The following BRIP1 variants were observed in gnomAD, a reference collection of about 807,000 sequenced individuals.
The protein encoded by BRIP1 is BRCA1 interacting DNA helicase 1.
Under a neutral mutation model 119.7 loss-of-function variants are expected in BRIP1, and 88 were observed. That is an observed-to-expected ratio of 0.74 (90% CI 0.62 to 0.88). The LOEUF (loss-of-function observed/expected upper bound fraction) is 0.88. Among genes scored for constraint, BRIP1 ranks in the 40% least tolerant of loss-of-function variants. The pLI is 0.00. For missense variants in BRIP1, 1,259 were observed against 1,455.4 expected (o/e 0.87, Z 2.20); for synonymous variants, 443 against 496.5 (o/e 0.89, Z 1.43).
At chr17:61,782,933 G>T (rs1017236807) in intron 11 of BRIP1, among the ~76,000 whole-genome samples, 5 of 152,176 alleles carry the variant, frequency 3.3e-5, no homozygotes, top group African/African-American at 1.2e-4. Context: ...GAACCCTTGT[G>T]CATTGATAAT....
At position 61,744,742 on chromosome 17, in the gene BRIP1, A is replaced by T; in HGVS notation, c.2098-151T>A. Reference sequence around the variant, plus strand: ...ATGAGGAAAACAATATATCTCATAGAGCTGTTATGGGGTTAAATTTATTAA... The same window carrying T: ...ATGAGGAAAACAATATATCTCATAGTGCTGTTATGGGGTTAAATTTATTAA... On this transcript the variant is annotated intron_variant, in intron 14 of 19. Coordinates refer to ENST00000259008, the MANE Select transcript of BRIP1 (RefSeq NM_032043.3). This position sits in a 1 kb window ranked among gnomAD's most constrained non-coding sequence, Gnocchi z 5.0. The T allele has an allele frequency of 1.4e-6, 1 of 738,048 alleles. No individual in the cohort carries two copies. Among genetic ancestry groups the T allele is most frequent in the Non-Finnish European group, 2.3e-6 (1 of 440,778 alleles). The allele number at this position is 738,048 out of a possible 1,614,324, so 45.7% of individuals were successfully genotyped here. A position where few individuals can be genotyped will look rare whatever the true frequency, so the allele number is the denominator to read the frequency against.
rs1240662075 is a variant in BRIP1 at position 61,738,429 on chromosome 17, G to A, written c.2379+4584C>T. On this transcript the variant is annotated intron_variant, in intron 16 of 19. Transcript: ENST00000259008. This position sits in a 1 kb window ranked among gnomAD's most constrained non-coding sequence, Gnocchi z 4.2. Reference sequence around the variant, plus strand: ...CTTGTACCTTTTGGGAACCACTAGGGATAACCCTTTAGAACCACCTTCCTC... The same window carrying A: ...CTTGTACCTTTTGGGAACCACTAGGAATAACCCTTTAGAACCACCTTCCTC... Among the ~76,000 whole-genome samples the A allele has an allele frequency of 6.6e-6, 1 of 152,080 alleles. No homozygotes were observed. The highest frequency in any genetic ancestry group is 1.5e-5 in the Non-Finnish European group (1 of 68,022).
In BRIP1 at chr17:61,689,826, C is replaced by T. The variant is rs1038961221; in HGVS notation, c.2575+3604G>A. The stretch of plus-strand genomic sequence containing the variant: ...AGGAGTTTGAGATTAGCCTGGGCAA[C>T]ATAGTGAGACCCCATCTCTACAAAA... On this transcript the variant is annotated intron_variant, in intron 18 of 19. Transcript: ENST00000259008. The surrounding 1 kb of genome is among the most constrained non-coding windows in gnomAD (Gnocchi z 4.5). 7.9e-5 allele frequency among the ~76,000 whole-genome samples: 12 copies of T among 152,170 alleles called. No individual in the cohort carries two copies. The highest frequency in any genetic ancestry group is 2.6e-4 in the African/African-American group (11 of 41,516).
intron 6 of BRIP1, among the ~76,000 whole-genome samples, chr17:61,840,516 C>G (rs1006012303): frequency 6.6e-6 from 1 of 152,112 alleles, no homozygotes; most frequent in African/African-American, 2.4e-5. Context: ...GTAGCTCACA[C>G]CTATAATCCT....
Position 61,823,614 on chromosome 17 carries a change from G to A in BRIP1, c.628-14857C>T, listed in dbSNP as rs868506525. On this transcript the variant is annotated intron_variant, in intron 6 of 19. Transcript: ENST00000259008. This position sits in a 1 kb window ranked among gnomAD's most constrained non-coding sequence, Gnocchi z 4.8. Reference sequence around the variant, plus strand: ...AGTCAGTGATGTATAATATCAAGCTGTCTAATATACACATAATTGAAGTCT... The same window carrying A: ...AGTCAGTGATGTATAATATCAAGCTATCTAATATACACATAATTGAAGTCT... Among the ~76,000 whole-genome samples, 1 of 152,140 alleles carries A rather than the reference G, an allele frequency of 6.6e-6. No individual in the cohort carries two copies. The highest frequency in any genetic ancestry group is 1.5e-5 in the Non-Finnish European group (1 of 68,030).
In BRIP1 at chr17:61,745,144, G is replaced by T. The variant is rs1428945794; in HGVS notation, c.2098-553C>A. On this transcript the variant is annotated intron_variant, in intron 14 of 19. Coordinates refer to ENST00000259008, the MANE Select transcript of BRIP1 (RefSeq NM_032043.3). The surrounding 1 kb of genome is among the most constrained non-coding windows in gnomAD (Gnocchi z 4.4). Reference sequence around the variant, plus strand: ...AATATTTGATCATCATTAATAACCTGCATTGAAAAAAGATAGAAATAAAGA... The same window carrying T: ...AATATTTGATCATCATTAATAACCTTCATTGAAAAAAGATAGAAATAAAGA... Among the ~76,000 whole-genome samples, 1 of 151,968 alleles carries T rather than the reference G, an allele frequency of 6.6e-6. No individual in the cohort carries two copies. The highest frequency in any genetic ancestry group is 1.5e-5 in the Non-Finnish European group (1 of 68,004).
In BRIP1 at chr17:61,754,653, A is replaced by C. The variant is rs530240614; in HGVS notation, c.2098-10062T>G. ...AGCCACAGATTGAGTGGCTTAAACA[A>C]GAGAAATTTATTTCTTACTTCTTGG... On this transcript the variant is annotated intron_variant, in intron 14 of 19. Coordinates refer to ENST00000259008, the MANE Select transcript of BRIP1 (RefSeq NM_032043.3). This position sits in a 1 kb window ranked among gnomAD's most constrained non-coding sequence, Gnocchi z 4.1. Among the ~76,000 whole-genome samples, 29 of 152,212 alleles carry C rather than the reference A, an allele frequency of 1.9e-4. No individual in the cohort carries two copies. Among genetic ancestry groups the C allele is most frequent in the Non-Finnish European group, 3.8e-4 (26 of 68,042 alleles).
At position 61,822,840 on chromosome 17, in the gene BRIP1, A is replaced by G. The variant is rs1164242263; in HGVS notation, c.628-14083T>C. ...TCAGTTTAAAGGTGGGACGGTTCCA[A>G]ATGACAACGAAGTCCCATGTGTAGT... On this transcript the variant is annotated intron_variant, in intron 6 of 19. Transcript: ENST00000259008. This position sits in a 1 kb window ranked among gnomAD's most constrained non-coding sequence, Gnocchi z 4.4. Among the ~76,000 whole-genome samples the G allele has an allele frequency of 6.6e-6, 1 of 152,172 alleles. No homozygotes were observed. Among genetic ancestry groups the G allele is most frequent in the East Asian group, 1.9e-4 (1 of 5,192 alleles).
At chr17:61,694,430 A>G (rs1015768781) in intron 17 of BRIP1, among the ~76,000 whole-genome samples, 1 of 152,126 alleles carries the variant, frequency 6.6e-6, no homozygotes, top group African/African-American at 2.4e-5. Context: ...TACTTCATTT[A>G]TAAGTTAATG....
Position 61,774,399 on chromosome 17 carries a change from C to T in BRIP1, c.2097+2002G>A, listed in dbSNP as rs555466878. ...GAATTGAACAATGAGAACATGTGGACGCAGGGTAGGGAACATCACACACTG... is the reference window on the plus strand; with the variant it reads ...GAATTGAACAATGAGAACATGTGGATGCAGGGTAGGGAACATCACACACTG... On this transcript the variant is annotated intron_variant, in intron 14 of 19. Transcript: ENST00000259008. The surrounding 1 kb of genome is among the most constrained non-coding windows in gnomAD (Gnocchi z 5.8). 6.6e-6 allele frequency among the ~76,000 whole-genome samples: 1 copy of T among 152,048 alleles called. No homozygotes were observed. Among genetic ancestry groups the T allele is most frequent in the African/African-American group, 2.4e-5 (1 of 41,382 alleles).
At position 61,807,776 on chromosome 17, in the gene BRIP1, G is replaced by T. The variant is rs2078096122; in HGVS notation, c.918+691C>A. On this transcript the variant is annotated intron_variant, in intron 7 of 19. Coordinates refer to ENST00000259008, the MANE Select transcript of BRIP1 (RefSeq NM_032043.3). This position sits in a 1 kb window ranked among gnomAD's most constrained non-coding sequence, Gnocchi z 4.5. Reference sequence around the variant, plus strand: ...TCATACTTGCAACTTCAATTTTAGAGTAAACTAATTATCACACCAGAACAT... The same window carrying T: ...TCATACTTGCAACTTCAATTTTAGATTAAACTAATTATCACACCAGAACAT... Among the ~76,000 whole-genome samples, 1 of 152,066 alleles carries T rather than the reference G, an allele frequency of 6.6e-6. No homozygotes were observed. Among genetic ancestry groups the T allele is most frequent in the South Asian group, 2.1e-4 (1 of 4,828 alleles).
At position 61,736,532 on chromosome 17, in the gene BRIP1, A is replaced by G. The variant is rs1016331231; in HGVS notation, c.2379+6481T>C. On this transcript the variant is annotated intron_variant, in intron 16 of 19. Coordinates refer to ENST00000259008, the MANE Select transcript of BRIP1 (RefSeq NM_032043.3). The surrounding 1 kb of genome is among the most constrained non-coding windows in gnomAD (Gnocchi z 4.4). ...CCTGTATTGCCTCCTTATGAGTCAT[A>G]TCACTGTTTACTACCATCCTGTTCA... 6.6e-6 allele frequency among the ~76,000 whole-genome samples: 1 copy of G among 152,258 alleles called. No individual in the cohort carries two copies. The highest frequency in any genetic ancestry group is 1.9e-4 in the East Asian group (1 of 5,180).
chr17:61,739,373 G>C lies in BRIP1; in HGVS notation c.2379+3640C>G, dbSNP rs2076958400. On this transcript the variant is annotated intron_variant, in intron 16 of 19. Transcript: ENST00000259008. This position sits in a 1 kb window ranked among gnomAD's most constrained non-coding sequence, Gnocchi z 6.0. ...TTTAGAATAGGAGACCCAGCTTTGG[G>C]CATAGCCATTAGTGCCCTCAGCAGT... 5.2e-6 allele frequency: 1 copy of C among 192,234 alleles called. No individual in the cohort carries two copies. Among genetic ancestry groups the C allele is most frequent in the Non-Finnish European group, 1.1e-5 (1 of 91,854 alleles). The allele number at this position is 192,234 out of a possible 1,614,324, so 11.9% of individuals were successfully genotyped here. A position where few individuals can be genotyped will look rare whatever the true frequency, so the allele number is the denominator to read the frequency against.
chr17:61,842,687 C>A lies in BRIP1; in HGVS notation c.627+4414G>T, dbSNP rs990922548. On this transcript the variant is annotated intron_variant, in intron 6 of 19. Coordinates refer to ENST00000259008, the MANE Select transcript of BRIP1 (RefSeq NM_032043.3). This position sits in a 1 kb window ranked among gnomAD's most constrained non-coding sequence, Gnocchi z 5.1. ...CAGCAGCAGCTAAAGGTAAGAACTA[C>A]AAATATGTATCCATCTGCTGCTGTT... 1.3e-5 allele frequency among the ~76,000 whole-genome samples: 2 copies of A among 152,150 alleles called. No individual in the cohort carries two copies. Among genetic ancestry groups the A allele is most frequent in the African/African-American group, 4.8e-5 (2 of 41,440 alleles).
Position 61,782,982 on chromosome 17 carries a change from T to A in BRIP1, c.1628+1288A>T, listed in dbSNP as rs551344662. ...AATGCAGTTGCTGTGAGAAACAGTA[T>A]GGTGAGTCCTCAAAAAGTTAAATGC... is the stretch of plus-strand genomic sequence containing the variant. On this transcript the variant is annotated intron_variant, in intron 11 of 19. Coordinates refer to ENST00000259008, the MANE Select transcript of BRIP1 (RefSeq NM_032043.3). Among the ~76,000 whole-genome samples the A allele has an allele frequency of 5.9e-5, 9 of 152,320 alleles. 1 individual carries two copies. The South Asian group carries it at 1.9e-3, about 32-fold the overall frequency.
At position 61,816,334 on chromosome 17, in the gene BRIP1, A is replaced by AG. The variant is rs1326565558; in HGVS notation, c.628-7578dup. The stretch of plus-strand genomic sequence containing the variant: ...CAGACTCTGATTGTAACAGACTGCC[A>AG]GTCTCCTGGAATGTGTAACTGAAGT... On this transcript the variant is annotated intron_variant, in intron 6 of 19. Coordinates refer to ENST00000259008, the MANE Select transcript of BRIP1 (RefSeq NM_032043.3). This position sits in a 1 kb window ranked among gnomAD's most constrained non-coding sequence, Gnocchi z 5.0. Among the ~76,000 whole-genome samples, 1 of 152,214 alleles carries AG rather than the reference A, an allele frequency of 6.6e-6. No individual in the cohort carries two copies. Among genetic ancestry groups the AG allele is most frequent in the Non-Finnish European group, 1.5e-5 (1 of 68,032 alleles).
rs1567794782 is a variant in BRIP1 at position 61,760,473 on chromosome 17, C to T, written c.2098-15882G>A. Among the ~76,000 whole-genome samples, 1 of 151,474 alleles carries T rather than the reference C, an allele frequency of 6.6e-6. No individual in the cohort carries two copies. Among genetic ancestry groups the T allele is most frequent in the Non-Finnish European group, 1.5e-5 (1 of 67,748 alleles). ...ATAAATAAAGTAGAGACTAGGAAAA[C>T]AACACAAAGATCAACAAAACTATGA... is the stretch of plus-strand genomic sequence containing the variant. On this transcript the variant is annotated intron_variant, in intron 14 of 19. Transcript: ENST00000259008. The surrounding 1 kb of genome is among the most constrained non-coding windows in gnomAD (Gnocchi z 4.6).
At position 61,680,871 on chromosome 17, in the gene BRIP1, T is replaced by C. The variant is rs956565779; in HGVS notation, c.*2425A>G. ...TCCAAGTTATTATGCACATATACCATCTGTGTCAGTCTGTTCTCATGCTGC... is the reference window on the plus strand; with the variant it reads ...TCCAAGTTATTATGCACATATACCACCTGTGTCAGTCTGTTCTCATGCTGC... On this transcript the variant is annotated 3_prime_UTR_variant, in exon 20 of 20. Coordinates refer to ENST00000259008, the MANE Select transcript of BRIP1 (RefSeq NM_032043.3). 7.2e-5 allele frequency among the ~76,000 whole-genome samples: 11 copies of C among 152,136 alleles called. No individual in the cohort carries two copies. Among genetic ancestry groups the C allele is most frequent in the Admixed American group, 5.9e-4 (9 of 15,264 alleles).
chr17:61,819,501 G>C (rs918013288), intron 6 of BRIP1, among the ~76,000 whole-genome samples: 12 of 152,176 alleles, frequency 7.9e-5, no homozygotes, highest in African/African-American at 2.9e-4. Context: ...ACAGATGAAT[G>C]AATGAAGAGA....
Sources: gnomAD v4.1 joint callset for allele counts (sites outside exome capture counted in the v4.1 genomes callset) on GRCh38, gnomAD v4.1.1 for gene constraint, Gnocchi (gnomAD v3.1) non-coding constraint, MANE v1.5 for transcripts, NCBI Gene and HGNC (gene_info 2026-07-23, HGNC 2026-07-21) for gene names.